The following UBOX5 variants were observed in gnomAD, a reference collection of about 807,000 sequenced individuals.
The protein encoded by UBOX5 is RING finger protein 37.
Under a neutral mutation model 39.0 loss-of-function variants are expected in UBOX5, and 28 were observed. The ratio of observed to expected loss-of-function variants is 0.72; its 90% CI spans 0.53 to 0.98. UBOX5 has a LOEUF of 0.98. Ranked by LOEUF, UBOX5 falls within the 50% of genes least tolerant of loss-of-function variation. The pLI is 0.00. For missense variants in UBOX5, 585 were observed against 674.4 expected, an observed-to-expected ratio of 0.87 and a Z score of 1.47; for synonymous variants, 283 against 275.5, an observed-to-expected ratio of 1.03 and a Z score of -0.27.
chr20:3,118,704 G>A (rs889885409), intron 3 of UBOX5, among the ~76,000 whole-genome samples: 1 of 151,170 alleles, frequency 6.6e-6, no homozygotes, highest in Non-Finnish European at 1.5e-5. Flanking sequence ...CCAGGGAGGC[G>A]GAGCTGGCAG....
chr20:3,159,518 A>T (rs919036569), intron 1 of UBOX5, among the ~76,000 whole-genome samples: 6 of 152,262 alleles, frequency 3.9e-5, no homozygotes, highest in African/African-American at 1.2e-4. Flanking sequence ...CACAGAGGAA[A>T]AAAAATCAAG....
rs143556522 is a variant in UBOX5, at chr20:3,117,842, A to G, written c.1256-2376T>C. Among the ~76,000 whole-genome samples, 71 of 152,004 alleles carry G rather than the reference A, an allele frequency of 4.7e-4. 1 individual carries two copies. The East Asian group carries it at 0.014, about 29-fold the overall frequency. ...CCCCATCTCTACTACAAATACAAAAATTAGCCAGGCATGGTGGCGAGCGCC... is the reference window on the plus strand; with the variant it reads ...CCCCATCTCTACTACAAATACAAAAGTTAGCCAGGCATGGTGGCGAGCGCC... On this transcript the variant is annotated intron_variant, in intron 3 of 4. Coordinates refer to ENST00000217173, the MANE Select transcript of UBOX5 (RefSeq NM_014948.4).
chr20:3,128,413 G>A (rs1223209932), intron 1 of UBOX5, among the ~76,000 whole-genome samples: 1 of 152,220 alleles, frequency 6.6e-6, no homozygotes, highest in Admixed American at 6.5e-5. Flanking sequence ...CAGACAATAT[G>A]CTACTGACAT....
At chr20:3,138,542 T>C (rs1357443939) in intron 1 of UBOX5, among the ~76,000 whole-genome samples, 1 of 152,070 alleles carries the variant, frequency 6.6e-6, no homozygotes, top group Non-Finnish European at 1.5e-5. Flanking sequence ...GTACTAGGGC[T>C]CAGAAAGGGA....
intron 3 of UBOX5, among the ~76,000 whole-genome samples, chr20:3,118,118 A>G (rs947683058): frequency 1.3e-5 from 2 of 152,128 alleles, no homozygotes; most frequent in African/African-American, 4.8e-5. Context: ...AGATTGCGTC[A>G]CTGCTGCACT....
chr20:3,110,227 A>T lies in UBOX5; in HGVS notation c.1505T>A (p.Leu502Gln). The T allele has an allele frequency of 6.2e-7, 1 of 1,614,092 alleles. No individual in the cohort carries two copies. Among genetic ancestry groups the T allele is most frequent in the Non-Finnish European group, 8.5e-7 (1 of 1,180,016 alleles). ...TCGGCACAGGAGGTGGCCGCAGGGC[A>T]GCTGGTACACCGGCTCCTTTTTGAA... ...PYFKKEPVYQ[L>Q]PCGHLLCRPC... The change falls in exon 5 of 5, where the codon CTG becomes CAG. Residue 502 changes from leucine (L) to glutamine (Q), a missense_variant. Physicochemically the swap from Leu to Gln is moderately radical, Grantham distance 113 (BLOSUM62 -2). Transcript: ENST00000217173.
intron 1 of UBOX5, among the ~76,000 whole-genome samples, chr20:3,153,229 C>A (rs1008964136): frequency 2.0e-5 from 3 of 152,202 alleles, no homozygotes; most frequent in Non-Finnish European, 4.4e-5. Flanking sequence ...AAAGAACCAT[C>A]TCCTAGAACA....
rs755502043 is a variant in UBOX5, at chr20:3,122,370, C to A, written c.269G>T (p.Ser90Ile). 1.2e-6 allele frequency: 2 copies of A among 1,614,092 alleles called. No individual in the cohort carries two copies. Among genetic ancestry groups the A allele is most frequent in the African/African-American group, 2.7e-5 (2 of 74,942 alleles). The change falls in exon 3 of 5, where the codon AGC becomes ATC. Residue 90 changes from serine (S) to isoleucine (I), a missense_variant. Ser to Ile is a moderately radical substitution (Grantham distance 142). Coordinates refer to ENST00000217173, the MANE Select transcript of UBOX5 (RefSeq NM_014948.4). ...CTGGGGCGTATTCCAAGACACTCTG[C>A]TAGATGAGGCAGATGTGTACATTTC... Reference protein sequence around the residue: ...GLEMYTSASSSRVSWNTPQCR... With the variant: ...GLEMYTSASSIRVSWNTPQCR...
intron 1 of UBOX5, among the ~76,000 whole-genome samples, chr20:3,158,384 CATT>C (rs377305842): frequency 1.5e-3 from 226 of 152,314 alleles, no homozygotes; most frequent in African/African-American, 5.3e-3. Context: ...GACTAATAAA[CATT>C]AGACCTGCAT....
chr20:3,115,952 C>T (rs1312268635), intron 3 of UBOX5, among the ~76,000 whole-genome samples: 3 of 151,946 alleles, frequency 2.0e-5, no homozygotes, highest in African/African-American at 7.2e-5. Context: ...TTAGTAGAGA[C>T]GGGGTTTCAC....
chr20:3,138,904 T>C (rs953221907), intron 1 of UBOX5, among the ~76,000 whole-genome samples: 5 of 151,980 alleles, frequency 3.3e-5, no homozygotes, highest in African/African-American at 1.2e-4. Flanking sequence ...TGATTTTGAG[T>C]CTCATAGAGA....
At chr20:3,152,701 A>C (rs2066643795) in intron 1 of UBOX5, among the ~76,000 whole-genome samples, 1 of 152,082 alleles carries the variant, frequency 6.6e-6, no homozygotes. Context: ...TGAGGACAGG[A>C]GTTCAAGACC....
intron 1 of UBOX5, among the ~76,000 whole-genome samples, chr20:3,131,525 T>C (rs2066428940): frequency 6.6e-6 from 1 of 152,250 alleles, no homozygotes; most frequent in African/African-American, 2.4e-5. Context: ...ATTTTGCTCA[T>C]ATTTAATTTT....
chr20:3,110,462 G>C, intron 4 of UBOX5, 148 bp from the exon 5 acceptor site: 1 of 907,480 alleles, frequency 1.1e-6, no homozygotes, highest in Non-Finnish European at 1.7e-6. Flanking sequence ...AGGTAGGGGA[G>C]TGGAAGCGGG....
Position 3,149,144 on chromosome 20 carries a change from A to G in UBOX5, c.-42+10622T>C, listed in dbSNP as rs573179361. ...GATTTGACCAGGCAATTTCTTGTTT[A>G]TATGGTGCTTGATTAGAGCTGGACG... On this transcript the variant is annotated intron_variant, in intron 1 of 4. Transcript: ENST00000217173. The surrounding 1 kb of genome is among the most constrained non-coding windows in gnomAD (Gnocchi z 4.1). 6.7e-7 allele frequency: 1 copy of G among 1,503,122 alleles called. No individual in the cohort carries two copies. Among genetic ancestry groups the G allele is most frequent in the Non-Finnish European group, 9.0e-7 (1 of 1,117,014 alleles). The allele number at this position is 1,503,122 out of a possible 1,614,324, so 93.1% of individuals were successfully genotyped here.
In UBOX5 at chr20:3,122,198, G is replaced by A. The variant is rs564015919; in HGVS notation, c.441C>T (p.Ala147=). Residue 147 remains alanine, a synonymous_variant, in exon 3 of 5, where the codon GCC becomes GCT. Coordinates refer to ENST00000217173, the MANE Select transcript of UBOX5 (RefSeq NM_014948.4). ...KARPPFGAME[A]TLPSPAVVAQ... ...CCACAACAGCAGGGGAGGGGAGTGT[G>A]GCTTCCATCGCGCCAAAAGGGGGCC... 87 of 1,614,254 alleles carry A rather than the reference G, an allele frequency of 5.4e-5. No homozygotes were observed. In the South Asian group the frequency reaches 9.3e-4, roughly 17 times the overall value.
chr20:3,138,125 T>C lies in UBOX5; in HGVS notation c.-41-14719A>G, dbSNP rs1187462294. Among the ~76,000 whole-genome samples the C allele has an allele frequency of 4.6e-5, 7 of 152,060 alleles. No homozygotes were observed. The East Asian group carries it at 1.2e-3, about 25-fold the overall frequency. The stretch of plus-strand genomic sequence containing the variant: ...CTGTTTCAACTAAAAACACAAAAAT[T>C]AGCCAGCCATGGTGGCGCATGCCTG... On this transcript the variant is annotated intron_variant, in intron 1 of 4. Coordinates refer to ENST00000217173, the MANE Select transcript of UBOX5 (RefSeq NM_014948.4).
intron 1 of UBOX5, among the ~76,000 whole-genome samples, chr20:3,158,103 G>A (rs74401648): frequency 0.019 from 2,896 of 152,094 alleles, 39 homozygotes; most frequent in Non-Finnish European, 0.029. Flanking sequence ...ACCACGCCTG[G>A]CTACATTTTG....
At chr20:3,147,104 T>G (rs747361719) in intron 1 of UBOX5, 2 of 1,613,994 alleles carry the variant, frequency 1.2e-6, no homozygotes, top group Non-Finnish European at 1.7e-6. Context: ...ATTCTCCAAC[T>G]CCATGGGCTG....
Sources: gnomAD v4.1 joint callset for allele counts (sites outside exome capture counted in the v4.1 genomes callset) on GRCh38, gnomAD v4.1.1 for gene constraint, Gnocchi (gnomAD v3.1) non-coding constraint, MANE v1.5 for transcripts, NCBI Gene and HGNC (gene_info 2026-07-23, HGNC 2026-07-21) for gene names.